RBFOX3: variants seen among roughly 807,000 people sequenced by gnomAD.
RBFOX3 encodes RNA binding fox-1 homolog 3, also known as RNA binding protein fox-1 homolog 3.
RBFOX3 carries 17 observed loss-of-function variants against 48.7 expected under a neutral mutation model. The observed-to-expected ratio is 0.35, with a 90% CI of 0.24 to 0.52. The LOEUF (loss-of-function observed/expected upper bound fraction) is 0.52. Among genes scored for constraint, RBFOX3 ranks in the 20% least tolerant of loss-of-function variants. The pLI is 0.94. For missense variants in RBFOX3, 382 were observed against 497.5 expected, an observed-to-expected ratio of 0.77 and a Z score of 2.21; for synonymous variants, 212 against 209.5, an observed-to-expected ratio of 1.01 and a Z score of -0.10.
At chr17:79,323,407 G>A (rs2078837281) in intron 2 of RBFOX3, among the ~76,000 whole-genome samples, 1 of 152,238 alleles carries the variant, frequency 6.6e-6, no homozygotes, top group Admixed American at 6.5e-5. Flanking sequence ...CCATCCCAGG[G>A]CAGTTTTCCT....
chr17:79,414,076 T>C (rs1385771827), intron 2 of RBFOX3, among the ~76,000 whole-genome samples: 2 of 152,086 alleles, frequency 1.3e-5, no homozygotes, highest in East Asian at 3.9e-4. Context: ...TCGGCTGGCC[T>C]CGGCCTTGTT....
Position 79,480,856 on chromosome 17 carries a change from A to G in RBFOX3, c.-175+1598T>C, listed in dbSNP as rs1457649839. The stretch of plus-strand genomic sequence containing the variant: ...CACAGCGTTATGGCGCCTGACATAC[A>G]TTTATTCGCCATGTCCCTGCTAAAA... On this transcript the variant is annotated intron_variant, in intron 2 of 14. Coordinates refer to ENST00000693108, the MANE Select transcript of RBFOX3 (RefSeq NM_001350451.2). This position sits in a 1 kb window ranked among gnomAD's most constrained non-coding sequence, Gnocchi z 4.8. Among the ~76,000 whole-genome samples the G allele has an allele frequency of 6.6e-6, 1 of 152,156 alleles. No homozygotes were observed. The highest frequency in any genetic ancestry group is 2.4e-5 in the African/African-American group (1 of 41,434).
At chr17:79,611,130 T>TCTCTCTCTCTCTCTCTCTCTCTCTCCC (rs1491548376), upstream of RBFOX3, among the ~76,000 whole-genome samples, 2 of 37,846 alleles carry the variant, frequency 5.3e-5, 1 homozygote, top group Non-Finnish European at 8.5e-5. Context: ...TCCGCCCTCC[T>TCTCTCTCTCTCTCTCTCTCTCTCTCCC]TCTCTCTCTC....
At chr17:79,446,577 C>G (rs2072344171) in intron 2 of RBFOX3, among the ~76,000 whole-genome samples, 1 of 152,232 alleles carries the variant, frequency 6.6e-6, no homozygotes, top group Non-Finnish European at 1.5e-5. Context: ...TATGGCAACG[C>G]TCCTGGGCAG....
Position 79,529,899 on chromosome 17 carries a change from G to A in RBFOX3, c.-319-47301C>T, listed in dbSNP as rs929110260. 2.6e-3 allele frequency among the ~76,000 whole-genome samples: 396 copies of A among 152,336 alleles called. 1 individual carries two copies. Among genetic ancestry groups the A allele is most frequent in the African/African-American group, 9.2e-3 (382 of 41,578 alleles). ...ACAACATGTTGCTGGGACCCAGCACGCTCCTTCACGTTCATCCATGGCTGC... is the reference window on the plus strand; with the variant it reads ...ACAACATGTTGCTGGGACCCAGCACACTCCTTCACGTTCATCCATGGCTGC... On this transcript the variant is annotated intron_variant, in intron 1 of 14. Transcript: ENST00000693108.
intron 2 of RBFOX3, among the ~76,000 whole-genome samples, chr17:79,445,929 G>A (rs937679340): frequency 6.6e-6 from 1 of 152,240 alleles, no homozygotes; most frequent in African/African-American, 2.4e-5. Flanking sequence ...GGGCCATTTG[G>A]TGGTGCCTGC....
intron 4 of RBFOX3, among the ~76,000 whole-genome samples, chr17:79,201,209 C>T (rs1201852035): frequency 2.0e-5 from 3 of 152,186 alleles, no homozygotes; most frequent in Admixed American, 6.5e-5. Context: ...AGAGTCCGTC[C>T]GCCCACTGGG....
intron 1 of RBFOX3, among the ~76,000 whole-genome samples, chr17:79,505,252 A>AC (rs1401989910): frequency 6.6e-6 from 1 of 151,638 alleles, no homozygotes; most frequent in Non-Finnish European, 1.5e-5. Flanking sequence ...GGCCCACCAC[A>AC]CCCCCGCTTT....
At chr17:79,620,199 ACG>A in the RBFOX3 span, among the ~76,000 whole-genome samples, 1 of 147,174 alleles carries the variant, frequency 6.8e-6, no homozygotes. Flanking sequence ...ACATGCACAC[ACG>A]TGCACATGCA....
At chr17:79,315,845 A>T (rs945054277) in intron 2 of RBFOX3, among the ~76,000 whole-genome samples, 19 of 152,150 alleles carry the variant, frequency 1.2e-4, no homozygotes, top group African/African-American at 4.3e-4. Flanking sequence ...GATTCTGGTA[A>T]ATAAGGCCAC....
chr17:79,398,208 C>T (rs1353436549), intron 2 of RBFOX3, among the ~76,000 whole-genome samples: 1 of 152,136 alleles, frequency 6.6e-6, no homozygotes, highest in Non-Finnish European at 1.5e-5. Context: ...TCGGGAGGCT[C>T]ATTATGCACC....
At chr17:79,376,677 G>A (rs1418409307) in intron 2 of RBFOX3, among the ~76,000 whole-genome samples, 1 of 152,212 alleles carries the variant, frequency 6.6e-6, no homozygotes, top group Non-Finnish European at 1.5e-5. Context: ...CCGCACGGGG[G>A]CTGGAGGAAG....
At chr17:79,512,889 C>A (rs1201654607) in intron 1 of RBFOX3, among the ~76,000 whole-genome samples, 1 of 148,296 alleles carries the variant, frequency 6.7e-6, no homozygotes. Context: ...GTATTACCAT[C>A]GGCTACGGCC....
chr17:79,564,864 A>G (rs2092393621), intron 1 of RBFOX3, among the ~76,000 whole-genome samples: 1 of 152,090 alleles, frequency 6.6e-6, no homozygotes, highest in Non-Finnish European at 1.5e-5. Flanking sequence ...ATATGGTGAA[A>G]CCCCATCTTT....
intron 1 of RBFOX3, among the ~76,000 whole-genome samples, chr17:79,548,134 C>T (rs781946081): frequency 4.6e-5 from 7 of 152,248 alleles, no homozygotes; most frequent in Non-Finnish European, 8.8e-5. Context: ...TCGCCCAGTG[C>T]GGCACGGGCT....
intron 14 of RBFOX3, among the ~76,000 whole-genome samples, chr17:79,093,790 GCCACACACAC>G (rs1258849866): frequency 5.2e-4 from 40 of 76,486 alleles, no homozygotes; most frequent in African/African-American, 2.2e-3. Context: ...TCAACAGCTG[GCCACACACAC>G]ACACACACAC....
chr17:79,177,034 T>C (rs988010952), intron 4 of RBFOX3, among the ~76,000 whole-genome samples: 3 of 151,698 alleles, frequency 2.0e-5, no homozygotes, highest in African/African-American at 7.3e-5. Context: ...TAGTCCCCAC[T>C]ATGCCCCCTG....
rs890930805 is a variant in RBFOX3 at position 79,480,570 on chromosome 17, C to T, written c.-175+1884G>A. On this transcript the variant is annotated intron_variant, in intron 2 of 14. Coordinates refer to ENST00000693108, the MANE Select transcript of RBFOX3 (RefSeq NM_001350451.2). This position sits in a 1 kb window ranked among gnomAD's most constrained non-coding sequence, Gnocchi z 4.8. ...CAGCCCTGGACCCTCTTCGTCATCT[C>T]CTTCCTCCACCTGCACAGCCCCCGG... Among the ~76,000 whole-genome samples, 8 of 152,188 alleles carry T rather than the reference C, an allele frequency of 5.3e-5. No individual in the cohort carries two copies. The highest frequency in any genetic ancestry group is 1.2e-4 in the Non-Finnish European group (8 of 68,030).
At chr17:79,521,890 C>CCTAA (rs2086162640) in intron 1 of RBFOX3, among the ~76,000 whole-genome samples, 1 of 152,172 alleles carries the variant, frequency 6.6e-6, no homozygotes, top group Non-Finnish European at 1.5e-5. Context: ...AACTGTGTAG[C>CCTAA]CTAACTAATG....
Sources: gnomAD v4.1 joint callset for allele counts (sites outside exome capture counted in the v4.1 genomes callset) on GRCh38, gnomAD v4.1.1 for gene constraint, Gnocchi (gnomAD v3.1) non-coding constraint, MANE v1.5 for transcripts, NCBI Gene and HGNC (gene_info 2026-07-23, HGNC 2026-07-21) for gene names.